The following PPP1R37 variants were observed in gnomAD, a reference collection of about 807,000 sequenced individuals.
The protein encoded by PPP1R37 is leucine rich repeat containing 68.
Under a neutral mutation model 61.0 loss-of-function variants are expected in PPP1R37, and 21 were observed. The observed-to-expected ratio is 0.34, with a 90% CI of 0.24 to 0.50. The LOEUF (loss-of-function observed/expected upper bound fraction) is 0.50. Among genes scored for constraint, PPP1R37 ranks in the 20% least tolerant of loss-of-function variants. The probability of loss-of-function intolerance (pLI) is 0.98; values close to 1 mark genes in which losing one functional copy is unlikely to be tolerated. For missense variants in PPP1R37, 910 were observed against 952.7 expected, an observed-to-expected ratio of 0.96 and a Z score of 0.59; for synonymous variants, 443 against 433.5, an observed-to-expected ratio of 1.02 and a Z score of -0.27.
chr19:45,141,720 C>T (rs1300630590), intron 5 of PPP1R37, among the ~76,000 whole-genome samples: 1 of 152,218 alleles, frequency 6.6e-6, no homozygotes, highest in East Asian at 1.9e-4. Flanking sequence ...TGGAGGTGGC[C>T]ATGGTCGCCA....
chr19:45,114,811 T>C (rs1414623224), intron 1 of PPP1R37, among the ~76,000 whole-genome samples: 1 of 148,708 alleles, frequency 6.7e-6, no homozygotes, highest in Non-Finnish European at 1.5e-5. Context: ...AATTAAATTT[T>C]CGGAAGGTGC....
chr19:45,135,148 T>C (rs2122746330), intron 1 of PPP1R37, among the ~76,000 whole-genome samples: 1 of 152,224 alleles, frequency 6.6e-6, no homozygotes, highest in South Asian at 2.1e-4. Context: ...CTCGGGAGGC[T>C]GAGGCAGGAG....
chr19:45,133,363 C>A (rs868032812), intron 1 of PPP1R37, among the ~76,000 whole-genome samples: 1 of 152,224 alleles, frequency 6.6e-6, no homozygotes, highest in Admixed American at 6.5e-5. Flanking sequence ...GGATTACAGG[C>A]GTGAGCCACC....
chr19:45,141,758 GGGT>G (rs1968614862), intron 5 of PPP1R37, among the ~76,000 whole-genome samples: 1 of 152,244 alleles, frequency 6.6e-6, no homozygotes. Flanking sequence ...TGTGAAGGCT[GGGT>G]GGAGGGACGG....
chr19:45,123,063 G>A (rs1968360755), intron 1 of PPP1R37, among the ~76,000 whole-genome samples: 1 of 152,268 alleles, frequency 6.6e-6, no homozygotes, highest in African/African-American at 2.4e-5. Flanking sequence ...CGCTGCAGCT[G>A]ATCCCAGCCT....
chr19:45,145,632 A>AC lies in PPP1R37; in HGVS notation c.1581dup (p.Cys528LeufsTer84). The AC allele has an allele frequency of 6.5e-7, 1 of 1,534,986 alleles. No individual in the cohort carries two copies. The highest frequency in any genetic ancestry group is 8.7e-7 in the Non-Finnish European group (1 of 1,146,490). ...GGAAGAGGAAGGGGAGAGGGACGAG[A>AC]CCCCCTGTCCTGCCCTGGTGCCCCC... On this transcript the variant is annotated frameshift_variant, in exon 11 of 13. Coordinates refer to ENST00000221462, the MANE Select transcript of PPP1R37 (RefSeq NM_019121.2). LOFTEE classifies it high-confidence loss of function.
chr19:45,144,886 G>A lies in PPP1R37; in HGVS notation c.1020G>A (p.Leu340=). Residue 340 remains leucine (L), a synonymous_variant, in exon 9 of 13, where the codon CTG becomes CTA. Coordinates refer to ENST00000221462, the MANE Select transcript of PPP1R37 (RefSeq NM_019121.2). ...PHTQSLETLN[L]GHNPIGNEGV... The stretch of plus-strand genomic sequence containing the variant: ...CTCAGAGCCTGGAGACGCTGAACCT[G>A]GGCCACAACCCCATCGGGAACGAGG... 1 of 1,535,354 alleles carries A rather than the reference G, an allele frequency of 6.5e-7. No homozygotes were observed. Among genetic ancestry groups the A allele is most frequent in the Non-Finnish European group, 8.7e-7 (1 of 1,146,516 alleles).
In PPP1R37 at chr19:45,120,244, C is replaced by T. The variant is rs576724882; in HGVS notation, c.203-18270C>T. On this transcript the variant is annotated intron_variant, in intron 1 of 12. Transcript: ENST00000221462. ...GTGTTAGCCAGGATGGTCTCGATCTCCTGACCTTGTGATCCGCCCACCTTA... is the reference window on the plus strand; with the variant it reads ...GTGTTAGCCAGGATGGTCTCGATCTTCTGACCTTGTGATCCGCCCACCTTA... Among the ~76,000 whole-genome samples, 449 of 152,254 alleles carry T rather than the reference C, an allele frequency of 2.9e-3. 4 individuals carry two copies. Among genetic ancestry groups the T allele is most frequent in the Middle Eastern group, 0.017 (5 of 294 alleles).
At chr19:45,126,959 T>C (rs559207781) in intron 1 of PPP1R37, among the ~76,000 whole-genome samples, 21 of 152,370 alleles carry the variant, frequency 1.4e-4, no homozygotes, top group African/African-American at 5.0e-4. Flanking sequence ...GTGAGTTGTG[T>C]AGTAATACGG....
intron 4 of PPP1R37, 66 bp from the exon 5 acceptor site, chr19:45,141,231 TCGTCTCTCGGTGGGGCCCGGTGTCA>T: frequency 7.2e-7 from 1 of 1,394,552 alleles, no homozygotes; most frequent in Non-Finnish European, 9.5e-7. Flanking sequence ...CCTGGACCCA[TCGTCTCTCGGTGGGGCCCGGTGTCA>T]GGGCCCACGC....
rs535518733 is a variant in PPP1R37 at position 45,144,854 on chromosome 19, C to T, written c.988C>T (p.Pro330Ser). ...TGMAFLGMTL[P>S]HTQSLETLNL... ...TCACCCTCACACCCCCTCCCTCCAG[C>T]CGCACACTCAGAGCCTGGAGACGCT... Residue 330 changes from proline (P) to serine (S), a missense_variant and splice_region_variant, in exon 9 of 13, where the codon CCG (proline) becomes TCG (serine). Physicochemically the swap from Pro to Ser is moderately conservative, Grantham distance 74. Around this residue, in one of 3 missense-constraint regions of PPP1R37, gnomAD observed 549 missense variants for 505.1 expected, o/e 1.09. Coordinates refer to ENST00000221462, the MANE Select transcript of PPP1R37 (RefSeq NM_019121.2). 12 of 1,529,162 alleles carry T rather than the reference C, an allele frequency of 7.8e-6. No homozygotes were observed. In the East Asian group the frequency reaches 2.5e-4, roughly 31 times the overall value. The allele number at this position is 1,529,162 out of a possible 1,614,324, so 94.7% of individuals were successfully genotyped here.
intron 1 of PPP1R37, among the ~76,000 whole-genome samples, chr19:45,118,317 G>A (rs1050632281): frequency 1.3e-5 from 2 of 152,228 alleles, no homozygotes; most frequent in African/African-American, 4.8e-5. Flanking sequence ...CAGGGCATCT[G>A]AGGATGTTGT....
intron 1 of PPP1R37, among the ~76,000 whole-genome samples, chr19:45,101,553 AC>A (rs1968063016): frequency 6.6e-6 from 1 of 152,220 alleles, no homozygotes; most frequent in South Asian, 2.1e-4. Flanking sequence ...CCTTGTCTCT[AC>A]AAAAAATACA....
At chr19:45,128,079 G>A (rs927681884) in intron 1 of PPP1R37, among the ~76,000 whole-genome samples, 1 of 151,470 alleles carries the variant, frequency 6.6e-6, no homozygotes, top group African/African-American at 2.4e-5. Context: ...CCATAAATAT[G>A]TATAATAATT....
chr19:45,143,514 C>T lies in PPP1R37; in HGVS notation c.875-7C>T, dbSNP rs1845912270. ...CAGACAGGGCTCTGACTGCCGGCCT[C>T]CTCCAGGTCTGGCCTACATCTGCGA... On this transcript the variant is annotated splice_polypyrimidine_tract_variant and splice_region_variant and intron_variant, in intron 7 of 12. Coordinates refer to ENST00000221462, the MANE Select transcript of PPP1R37 (RefSeq NM_019121.2). The T allele has an allele frequency of 1.3e-6, 2 of 1,520,680 alleles. No homozygotes were observed. The highest frequency in any genetic ancestry group is 1.8e-6 in the Non-Finnish European group (2 of 1,133,106). The allele number at this position is 1,520,680 out of a possible 1,614,324, so 94.2% of individuals were successfully genotyped here. A position where few individuals can be genotyped will look rare whatever the true frequency, so the allele number is the denominator to read the frequency against.
At chr19:45,126,236 G>A (rs1003806467) in intron 1 of PPP1R37, among the ~76,000 whole-genome samples, 2 of 152,244 alleles carry the variant, frequency 1.3e-5, no homozygotes, top group African/African-American at 4.8e-5. Context: ...CCCTTGTGGG[G>A]TAGGTGCATG....
rs1047680344 is a variant in PPP1R37 at position 45,146,692 on chromosome 19, C to A, written c.*130C>A. ...GTGGGGGCCATTCTGGGGCCCCCCT[C>A]CCCCCACAGCAACACTACAAGGGGT... On this transcript the variant is annotated 3_prime_UTR_variant, in exon 13 of 13. Coordinates refer to ENST00000221462, the MANE Select transcript of PPP1R37 (RefSeq NM_019121.2). The A allele has an allele frequency of 2.5e-5, 13 of 525,580 alleles. No individual in the cohort carries two copies. Among genetic ancestry groups the A allele is most frequent in the Admixed American group, 6.4e-5 (2 of 31,116 alleles). 32.6% of individuals were successfully genotyped at this position (525,580 alleles called of 1,614,324 possible). A position where few individuals can be genotyped will look rare whatever the true frequency, so the allele number is the denominator to read the frequency against.
Position 45,123,282 on chromosome 19 carries a change from A to T in PPP1R37, c.203-15232A>T, listed in dbSNP as rs567471419. ...ACCCCAGGCTGGACCAGGTGCCCACACCTCTCCCGCCCAGCACTGGCACCT... is the reference window on the plus strand; with the variant it reads ...ACCCCAGGCTGGACCAGGTGCCCACTCCTCTCCCGCCCAGCACTGGCACCT... On this transcript the variant is annotated intron_variant, in intron 1 of 12. Coordinates refer to ENST00000221462, the MANE Select transcript of PPP1R37 (RefSeq NM_019121.2). Among the ~76,000 whole-genome samples, 5 of 151,716 alleles carry T rather than the reference A, an allele frequency of 3.3e-5. No individual in the cohort carries two copies. In the East Asian group the frequency reaches 9.7e-4, roughly 29 times the overall value.
At chr19:45,112,591 C>T (rs909248361) in intron 1 of PPP1R37, among the ~76,000 whole-genome samples, 16 of 152,186 alleles carry the variant, frequency 1.1e-4, no homozygotes, top group African/African-American at 2.7e-4. Context: ...CTCACAGTCC[C>T]TGCCCTCTAG....
Sources: gnomAD v4.1 joint callset for allele counts (sites outside exome capture counted in the v4.1 genomes callset) on GRCh38, gnomAD v4.1.1 for gene constraint, gnomAD v4.1.1 regional missense constraint, MANE v1.5 for transcripts, NCBI Gene and HGNC (gene_info 2026-07-23, HGNC 2026-07-21) for gene names.